The following ASCC3 variants were observed in gnomAD, a reference collection of about 807,000 sequenced individuals.
ASCC3 encodes the protein activating signal cointegrator 1 complex subunit 3, also known as ASC-1 complex subunit P200.
ASCC3 carries 158 observed loss-of-function variants against 256.3 expected under a neutral mutation model. The observed-to-expected ratio is 0.62, with a 90% CI of 0.54 to 0.70. The LOEUF (loss-of-function observed/expected upper bound fraction) is 0.70, where lower values mean the gene tolerates loss of function less well. ASCC3 is among the 30% of genes least tolerant of loss of function. The probability of loss-of-function intolerance (pLI) is 0.00; values close to 1 mark genes in which losing one functional copy is unlikely to be tolerated. For missense variants in ASCC3, 2,259 were observed against 2,626.0 expected, an observed-to-expected ratio of 0.86 and a Z score of 3.05; for synonymous variants, 948 against 883.4, an observed-to-expected ratio of 1.07 and a Z score of -1.30.
chr6:100,750,512 G>C (rs1297757797), intron 10 of ASCC3, among the ~76,000 whole-genome samples: 1 of 150,022 alleles, frequency 6.7e-6, no homozygotes. Flanking sequence ...GGAATTTCTA[G>C]CTACATACCA....
intron 13 of ASCC3, among the ~76,000 whole-genome samples, chr6:100,714,100 T>C (rs1010549301): frequency 6.6e-6 from 1 of 152,192 alleles, no homozygotes; most frequent in Non-Finnish European, 1.5e-5. Context: ...TAAAGTTTTA[T>C]TGGAACACAG....
At chr6:100,555,272 A>AT (rs1769511560) in intron 36 of ASCC3, among the ~76,000 whole-genome samples, 1 of 152,214 alleles carries the variant, frequency 6.6e-6, no homozygotes, top group Non-Finnish European at 1.5e-5. Flanking sequence ...TGGTAAAAAT[A>AT]TAAGTACTAA....
intron 34 of ASCC3, among the ~76,000 whole-genome samples, chr6:100,592,734 T>C (rs1772068869): frequency 6.6e-6 from 1 of 152,084 alleles, no homozygotes; most frequent in African/African-American, 2.4e-5. Flanking sequence ...AAACATTACA[T>C]ATCATTAATT....
intron 11 of ASCC3, 121 bp downstream of exon 11, chr6:100,725,418 T>C (rs1779574649): frequency 5.3e-6 from 6 of 1,133,484 alleles, no homozygotes; most frequent in East Asian, 2.5e-5. Context: ...TTTAAAAATA[T>C]GAAGATTATG....
At chr6:100,637,849 TGAG>T (rs1222359951) in intron 25 of ASCC3, among the ~76,000 whole-genome samples, 1 of 152,120 alleles carries the variant, frequency 6.6e-6, no homozygotes, top group South Asian at 2.1e-4. Context: ...AATGAACAGA[TGAG>T]GAGTTGCTTC....
chr6:100,570,420 T>A (rs770945402), intron 36 of ASCC3, among the ~76,000 whole-genome samples: 1 of 152,130 alleles, frequency 6.6e-6, no homozygotes, highest in Non-Finnish European at 1.5e-5. Flanking sequence ...GGGTTTGTCA[T>A]ATTATTTTGA....
At position 100,678,919 on chromosome 6, in the gene ASCC3, C is replaced by T. The variant is rs529517880; in HGVS notation, c.2286+699G>A. ...GCCTTCGGGCCATAATCTGCCCAAT[C>T]TTCATGTAAATAATTATCTGATATA... is the stretch of plus-strand genomic sequence containing the variant. On this transcript the variant is annotated intron_variant, in intron 14 of 41. Transcript: ENST00000369162. Among the ~76,000 whole-genome samples, 4 of 152,170 alleles carry T rather than the reference C, an allele frequency of 2.6e-5. No individual in the cohort carries two copies. In the South Asian group the frequency reaches 8.3e-4, roughly 31 times the overall value.
intron 13 of ASCC3, among the ~76,000 whole-genome samples, chr6:100,708,949 T>C (rs527380922): frequency 2.6e-5 from 4 of 151,728 alleles, no homozygotes; most frequent in Admixed American, 2.6e-4. Context: ...AGGTAACAAT[T>C]GCCAATTAAG....
intron 8 of ASCC3, among the ~76,000 whole-genome samples, chr6:100,780,396 C>G (rs1332995380): frequency 6.6e-6 from 1 of 152,106 alleles, no homozygotes; most frequent in Non-Finnish European, 1.5e-5. Flanking sequence ...TTCAAAAATC[C>G]TTAATGTGGT....
intron 13 of ASCC3, among the ~76,000 whole-genome samples, chr6:100,711,163 T>G (rs1027662616): frequency 6.6e-6 from 1 of 152,198 alleles, no homozygotes; most frequent in Non-Finnish European, 1.5e-5. Flanking sequence ...CCTCCTTACC[T>G]GGTCATTAAG....
At chr6:100,582,694 G>C (rs1771364091) in intron 36 of ASCC3, among the ~76,000 whole-genome samples, 1 of 151,596 alleles carries the variant, frequency 6.6e-6, no homozygotes, top group Non-Finnish European at 1.5e-5. Context: ...TCCAGTTTTT[G>C]CCCATTCAGT....
chr6:100,531,934 T>C (rs1774897222), intron 37 of ASCC3, among the ~76,000 whole-genome samples: 3 of 152,122 alleles, frequency 2.0e-5, no homozygotes. Flanking sequence ...TTTGGATTGC[T>C]ACACAATACA....
chr6:100,632,017 G>A (rs1774571976), intron 25 of ASCC3, among the ~76,000 whole-genome samples: 5 of 151,702 alleles, frequency 3.3e-5, no homozygotes, highest in Admixed American at 2.0e-4. Context: ...CAACATCTCT[G>A]TAAATGTTTC....
At chr6:100,642,259 T>A (rs1181325921) in intron 24 of ASCC3, among the ~76,000 whole-genome samples, 1 of 152,072 alleles carries the variant, frequency 6.6e-6, no homozygotes, top group African/African-American at 2.4e-5. Flanking sequence ...TACCATAATA[T>A]GATTCCTTAA....
chr6:100,615,603 T>G (rs1375147478), intron 30 of ASCC3, among the ~76,000 whole-genome samples: 1 of 152,224 alleles, frequency 6.6e-6, no homozygotes, highest in Non-Finnish European at 1.5e-5. Flanking sequence ...GTACTCTATA[T>G]AAATACATCA....
chr6:100,700,865 C>G (rs1432742464), intron 13 of ASCC3, among the ~76,000 whole-genome samples: 1 of 152,206 alleles, frequency 6.6e-6, no homozygotes, highest in East Asian at 1.9e-4. Flanking sequence ...AGCCCATAGG[C>G]AGACGGGATT....
intron 16 of ASCC3, among the ~76,000 whole-genome samples, chr6:100,660,444 T>C (rs779954371): frequency 4.2e-4 from 64 of 151,694 alleles, no homozygotes; most frequent in Non-Finnish European, 8.0e-4. Context: ...ACCCAACACG[T>C]AGTTATTTAA....
At chr6:100,608,111 T>C (rs1238619304) in intron 30 of ASCC3, among the ~76,000 whole-genome samples, 23 of 123,260 alleles carry the variant, frequency 1.9e-4, no homozygotes, top group Non-Finnish European at 2.7e-4. Context: ...TATATATGTA[T>C]ATATATCTAT....
intron 33 of ASCC3, among the ~76,000 whole-genome samples, chr6:100,604,107 G>A (rs1772764299): frequency 6.6e-6 from 1 of 151,986 alleles, no homozygotes; most frequent in South Asian, 2.1e-4. Flanking sequence ...AATTGCTTTG[G>A]ATAGATGAGA....
Sources: allele counts gnomAD v4.1 joint callset (sites outside exome capture counted in the v4.1 genomes callset), GRCh38; gene constraint gnomAD v4.1.1; transcripts MANE v1.5; gene names NCBI Gene and HGNC (gene_info 2026-07-23, HGNC 2026-07-21).